Variants in FRMD4A observed in about 807,000 individuals in gnomAD.
The protein encoded by FRMD4A is FERM domain-containing protein 4A.
Under a neutral mutation model 129.1 loss-of-function variants are expected in FRMD4A, and 29 were observed. The observed-to-expected ratio is 0.22, with a 90% CI of 0.17 to 0.31. FRMD4A has a LOEUF of 0.31. Among genes scored for constraint, FRMD4A ranks in the 10% least tolerant of loss-of-function variants. The pLI, the probability that FRMD4A is intolerant of heterozygous loss-of-function variation, is 1.00. For synonymous variants in FRMD4A, 634 were observed against 571.6 expected (o/e 1.11, Z -1.56); for missense variants, 1,272 against 1,375.8 (o/e 0.92, Z 1.19).
chr10:13,997,606 A>ATTCTT (rs761115249), intron 2 of FRMD4A, among the ~76,000 whole-genome samples: 1 of 148,436 alleles, frequency 6.7e-6, no homozygotes, highest in African/African-American at 2.5e-5. Context: ...ACACATGGCA[A>ATTCTT]TTCTTTTCTT....
chr10:13,969,353 C>T (rs961806857), intron 2 of FRMD4A, among the ~76,000 whole-genome samples: 19 of 152,264 alleles, frequency 1.2e-4, no homozygotes, highest in African/African-American at 4.1e-4. Context: ...GAGCCCCAAA[C>T]GCCTATGATG....
chr10:13,770,869 G>A (rs1457301934), intron 6 of FRMD4A, among the ~76,000 whole-genome samples: 3 of 152,068 alleles, frequency 2.0e-5, no homozygotes, highest in African/African-American at 7.2e-5. Flanking sequence ...GTCCTACAAG[G>A]GCATGCTCTA....
chr10:13,671,229 G>A (rs1010199829), intron 16 of FRMD4A, among the ~76,000 whole-genome samples: 15 of 152,144 alleles, frequency 9.9e-5, no homozygotes, highest in East Asian at 1.9e-4. Context: ...CGAGGCAGGC[G>A]GATCTCTTGA....
intron 6 of FRMD4A, among the ~76,000 whole-genome samples, chr10:13,771,203 T>C (rs1461872795): frequency 6.6e-6 from 1 of 152,160 alleles, no homozygotes; most frequent in Non-Finnish European, 1.5e-5. Context: ...GCTTCCCAAG[T>C]AGTTGGGACT....
intron 2 of FRMD4A, among the ~76,000 whole-genome samples, chr10:14,067,144 C>T (rs988664580): frequency 1.3e-5 from 2 of 151,654 alleles, no homozygotes; most frequent in Admixed American, 6.6e-5. Context: ...GGTGAAACCC[C>T]GTCTCTAATA....
intron 2 of FRMD4A, among the ~76,000 whole-genome samples, chr10:14,238,668 T>C (rs536248117): frequency 2.0e-5 from 3 of 152,270 alleles, no homozygotes; most frequent in South Asian, 2.1e-4. Context: ...CTCATCCTAA[T>C]GCTCTCCCTC....
intron 2 of FRMD4A, among the ~76,000 whole-genome samples, chr10:13,936,512 T>C (rs1419526420): frequency 6.6e-6 from 1 of 152,188 alleles, no homozygotes; most frequent in Non-Finnish European, 1.5e-5. Flanking sequence ...TGAAGCCTCA[T>C]GAATGAGATT....
chr10:13,719,173 A>T (rs1409424251), intron 12 of FRMD4A, among the ~76,000 whole-genome samples: 1 of 152,154 alleles, frequency 6.6e-6, no homozygotes, highest in Non-Finnish European at 1.5e-5. Flanking sequence ...TATATTGTTA[A>T]AAATACATTT....
chr10:13,972,087 T>C (rs2095521974), intron 2 of FRMD4A: 5 of 1,124,878 alleles, frequency 4.4e-6, no homozygotes, highest in South Asian at 2.2e-5. Flanking sequence ...AAGGTAAAAA[T>C]AAACCTCAGT....
intron 2 of FRMD4A, among the ~76,000 whole-genome samples, chr10:14,140,125 G>A (rs1839759688): frequency 6.6e-6 from 1 of 152,116 alleles, no homozygotes; most frequent in Non-Finnish European, 1.5e-5. Context: ...GCACTGGCAT[G>A]ATCTCGGCTC....
chr10:14,254,676 T>G lies in FRMD4A; in HGVS notation c.45+75382A>C, dbSNP rs368638990. On this transcript the variant is annotated intron_variant, in intron 2 of 24. Transcript: ENST00000357447. ...AATGCCTTGCAAGTTGTATTACTTC[T>G]CATCTATCATAAAAATAACAGATGA... Among the ~76,000 whole-genome samples, 89 of 152,124 alleles carry G rather than the reference T, an allele frequency of 5.9e-4. 1 individual carries two copies. The East Asian group carries it at 0.01, about 18-fold the overall frequency.
At chr10:14,150,603 G>A (rs896800441) in intron 2 of FRMD4A, among the ~76,000 whole-genome samples, 2 of 152,198 alleles carry the variant, frequency 1.3e-5, no homozygotes, top group East Asian at 1.9e-4. Flanking sequence ...TCAGAATGGA[G>A]TATTTTCTTT....
intron 8 of FRMD4A, 77 bp from the exon 9 acceptor site, chr10:13,747,896 G>A (rs2091370826): frequency 3.6e-6 from 3 of 833,372 alleles, no homozygotes; most frequent in Admixed American, 3.5e-5. Context: ...TTGGGCCGCT[G>A]TCTTGTCTGA....
At chr10:14,177,848 T>A (rs900330628) in intron 2 of FRMD4A, among the ~76,000 whole-genome samples, 1 of 152,210 alleles carries the variant, frequency 6.6e-6, no homozygotes, top group Admixed American at 6.5e-5. Flanking sequence ...CCCTGGAGCC[T>A]GGGGTTGTTC....
chr10:13,761,731 T>C (rs2092081955), intron 7 of FRMD4A, 62 bp from the exon 8 acceptor site: 1 of 1,082,970 alleles, frequency 9.2e-7, no homozygotes, highest in Non-Finnish European at 1.4e-6. Flanking sequence ...GACTCTAAAG[T>C]ACATTCTATA....
chr10:14,034,237 C>T (rs552688361), intron 2 of FRMD4A, among the ~76,000 whole-genome samples: 1 of 152,262 alleles, frequency 6.6e-6, no homozygotes, highest in South Asian at 2.1e-4. Context: ...ATATCCTTGC[C>T]TGCTCCCTAG....
At chr10:14,307,794 A>C (rs1310446916) in intron 2 of FRMD4A, among the ~76,000 whole-genome samples, 1 of 152,232 alleles carries the variant, frequency 6.6e-6, no homozygotes, top group Non-Finnish European at 1.5e-5. Context: ...TAAGGGAATC[A>C]GTCTTAAAAG....
chr10:14,188,348 G>A (rs990097029), intron 2 of FRMD4A, among the ~76,000 whole-genome samples: 8 of 151,932 alleles, frequency 5.3e-5, no homozygotes, highest in African/African-American at 1.9e-4. Flanking sequence ...TCCTACAATT[G>A]GGCACATAGC....
Position 13,656,719 on chromosome 10 carries a change from G to C in FRMD4A, c.2870C>G (p.Ser957Trp), listed in dbSNP as rs143274194. 44 of 1,588,542 alleles carry C rather than the reference G, an allele frequency of 2.8e-5. No homozygotes were observed. The highest frequency in any genetic ancestry group is 7.0e-5 in the Admixed American group (4 of 57,204). ...HTSSTSSDSG[S>W]QYSTSSQSTF... The stretch of plus-strand genomic sequence containing the variant: ...GCTCTGGGAGGAGGTGCTGTACTGC[G>C]AGCCGCTGTCCGAGGAGGTGGAGCT... The change falls in exon 22 of 25, where the codon TCG (serine) becomes TGG (tryptophan). Residue 957 changes from serine to tryptophan, a missense_variant. Transcript: ENST00000357447.
Sources: allele counts gnomAD v4.1 joint callset (sites outside exome capture counted in the v4.1 genomes callset), GRCh38; gene constraint gnomAD v4.1.1; transcripts MANE v1.5; gene names NCBI Gene and HGNC (gene_info 2026-07-23, HGNC 2026-07-21).